The following TSGA10 variants were observed in gnomAD, a reference collection of about 807,000 sequenced individuals.
The protein encoded by TSGA10 is testis specific 10.
In TSGA10, 43 loss-of-function variants were observed where a neutral mutation model predicts 96.6. The ratio of observed to expected loss-of-function variants is 0.44; its 90% CI spans 0.35 to 0.57. The LOEUF is 0.57. Ranked by LOEUF, TSGA10 falls within the 20% of genes least tolerant of loss-of-function variation. TSGA10 has a pLI of 0.01. For synonymous variants in TSGA10, 229 were observed against 269.9 expected (o/e 0.85, Z 1.48); for missense variants, 703 against 834.4 (o/e 0.84, Z 1.94).
intron 10 of TSGA10, among the ~76,000 whole-genome samples, chr2:99,091,574 G>A (rs912244259): frequency 6.6e-6 from 1 of 152,006 alleles, no homozygotes; most frequent in Non-Finnish European, 1.5e-5. Flanking sequence ...TAACACATAA[G>A]AATCCACATA....
chr2:99,102,176 T>A (rs575744233), intron 10 of TSGA10: 384 of 1,553,350 alleles, frequency 2.5e-4, no homozygotes, highest in Non-Finnish European at 3.1e-4. Context: ...TTCGGAAATA[T>A]GAAGCTATTC....
intron 12 of TSGA10, among the ~76,000 whole-genome samples, chr2:99,074,583 T>G (rs2086457338): frequency 6.6e-6 from 1 of 152,132 alleles, no homozygotes; most frequent in Non-Finnish European, 1.5e-5. Context: ...CTCCATAAAA[T>G]GGAATGTTTA....
intron 17 of TSGA10, among the ~76,000 whole-genome samples, chr2:99,026,718 C>T (rs963061519): frequency 1.3e-5 from 2 of 152,064 alleles, no homozygotes; most frequent in Admixed American, 6.6e-5. Context: ...CCACCACGCC[C>T]GGCCCAAAGC....
At chr2:99,150,675 G>T in intron 1 of TSGA10, 1 of 1,614,032 alleles carries the variant, frequency 6.2e-7, no homozygotes, top group Non-Finnish European at 8.5e-7. Flanking sequence ...CAGCGACTCA[G>T]TTATTTCAAA....
rs2087459959 is a variant in TSGA10, at chr2:99,081,284, A to G, written c.725T>C (p.Ile242Thr). 1 of 1,537,608 alleles carries G rather than the reference A, an allele frequency of 6.5e-7. No individual in the cohort carries two copies. The highest frequency in any genetic ancestry group is 8.8e-7 in the Non-Finnish European group (1 of 1,140,234). ...AATATTAAGAGAAAAAAACTCACCA[A>G]TTTTTTCATCCAAGCACATAATTTT... is the stretch of plus-strand genomic sequence containing the variant. ...QEKIMCLDEK[I>T]DNFTRQNIAQ... is the part of the protein sequence containing the mutation. The change falls in exon 11 of 21, where the codon ATT becomes ACT. Residue 242 changes from isoleucine to threonine, a missense_variant and splice_region_variant. Ile to Thr is a moderately conservative substitution (Grantham distance 89, BLOSUM62 -1). Transcript: ENST00000393483.
At chr2:99,084,008 GT>G (rs2087904526) in intron 10 of TSGA10, among the ~76,000 whole-genome samples, 1 of 152,170 alleles carries the variant, frequency 6.6e-6, no homozygotes, top group Non-Finnish European at 1.5e-5. Flanking sequence ...TGTAATCATT[GT>G]GGGAAAGTGG....
intron 16 of TSGA10, among the ~76,000 whole-genome samples, chr2:99,043,102 G>A (rs547300325): frequency 6.6e-6 from 1 of 152,104 alleles, no homozygotes; most frequent in Non-Finnish European, 1.5e-5. Context: ...TATGTTCAAG[G>A]ACCTAATGAT....
chr2:99,101,333 A>T lies in TSGA10; in HGVS notation c.611+2634T>A, dbSNP rs546442257. ...ACATAAATAACGTCTGTTAATAAAA[A>T]GATACTTTTATTTTTGTAGAGACAA... On this transcript the variant is annotated intron_variant, in intron 10 of 20. Coordinates refer to ENST00000393483, the MANE Select transcript of TSGA10 (RefSeq NM_025244.4). 3.9e-5 allele frequency among the ~76,000 whole-genome samples: 6 copies of T among 151,984 alleles called. No individual in the cohort carries two copies. The South Asian group carries it at 1.2e-3, about 32-fold the overall frequency.
At position 99,071,729 on chromosome 2, in the gene TSGA10, C is replaced by A; in HGVS notation, c.1084G>T (p.Ala362Ser). 1.2e-6 allele frequency: 2 copies of A among 1,613,196 alleles called. No homozygotes were observed. The highest frequency in any genetic ancestry group is 8.5e-7 in the Non-Finnish European group (1 of 1,179,660). ...HDNDNLQEQF[A>S]KAKQENQALS... ...ACCTGGTTTTCTTGTTTAGCTTTAG[C>A]AAACTGTTCCTGGAGATTGTCATTG... The change falls in exon 14 of 21, where the codon GCT (alanine) becomes TCT (serine). Residue 362 changes from alanine to serine, a missense_variant. By Grantham distance (99) the Ala-to-Ser change is moderately conservative. This residue lies in a region of TSGA10 where 585 missense variants were observed against 656.8 expected (regional missense o/e 0.89). Coordinates refer to ENST00000393483, the MANE Select transcript of TSGA10 (RefSeq NM_025244.4).
intron 20 of TSGA10, among the ~76,000 whole-genome samples, chr2:99,005,647 A>T (rs1380649846): frequency 1.2e-4 from 18 of 152,338 alleles, no homozygotes; most frequent in South Asian, 2.1e-4. Context: ...AAAAGAGGAT[A>T]CAAACAAATG....
chr2:99,134,463 C>T (rs2093240562), intron 1 of TSGA10, among the ~76,000 whole-genome samples: 1 of 152,056 alleles, frequency 6.6e-6, no homozygotes, highest in Admixed American at 6.5e-5. Flanking sequence ...ACTGGTTATT[C>T]TAGTTAGCAA....
chr2:99,065,283 C>T (rs1248560776), intron 15 of TSGA10, among the ~76,000 whole-genome samples, 159 bp from the exon 16 acceptor site: 2 of 152,182 alleles, frequency 1.3e-5, no homozygotes, highest in African/African-American at 2.4e-5. Flanking sequence ...AACAGGTCAT[C>T]CTGTAATTAA....
intron 4 of TSGA10, among the ~76,000 whole-genome samples, chr2:99,112,281 AAAGAT>A (rs1032790561): frequency 2.6e-4 from 40 of 152,206 alleles, no homozygotes; most frequent in African/African-American, 9.4e-4. Flanking sequence ...AAGAAAAACA[AAAGAT>A]AATAGTCAAA....
At chr2:99,042,296 A>G (rs1037837539) in intron 16 of TSGA10, among the ~76,000 whole-genome samples, 3 of 152,186 alleles carry the variant, frequency 2.0e-5, no homozygotes, top group Non-Finnish European at 2.9e-5. Flanking sequence ...GTGGTACCAC[A>G]TTCTAGAACA....
At chr2:99,090,070 G>T (rs1271668981) in intron 10 of TSGA10, among the ~76,000 whole-genome samples, 1 of 152,198 alleles carries the variant, frequency 6.6e-6, no homozygotes, top group Non-Finnish European at 1.5e-5. Context: ...GAGACCAGAA[G>T]ATGGTTCATA....
rs1033985630 is a variant in TSGA10 at position 99,105,608 on chromosome 2, T to C, written c.300A>G (p.Arg100=). 1 of 1,610,716 alleles carries C rather than the reference T, an allele frequency of 6.2e-7. No homozygotes were observed. The highest frequency in any genetic ancestry group is 1.7e-5 in the Admixed American group (1 of 59,984). ...AGGCTACATCTCTTTCAGTCTCCAC[T>C]CGCCGGAGAATAGCATGTGCCGTTG... The part of the protein sequence containing the change: ...KSTTAHAILR[R]VETERDVAFT... Residue 100 remains arginine, a synonymous_variant, in exon 8 of 21, where the codon CGA becomes CGG. Transcript: ENST00000393483.
intron 1 of TSGA10, among the ~76,000 whole-genome samples, chr2:99,139,411 T>C (rs2093445008): frequency 6.6e-6 from 1 of 152,220 alleles, no homozygotes; most frequent in Admixed American, 6.5e-5. Context: ...TTCAACAAAT[T>C]ATTGATTTTT....
At chr2:99,056,200 G>A (rs918901476) in intron 16 of TSGA10, among the ~76,000 whole-genome samples, 4 of 118,944 alleles carry the variant, frequency 3.4e-5, no homozygotes, top group Admixed American at 8.5e-5. Context: ...GCAAGACTTC[G>A]TCTCAAAAAA....
At position 98,998,101 on chromosome 2, in the gene TSGA10, A is replaced by T; in HGVS notation, c.*96T>A. 4.0e-6 allele frequency: 4 copies of T among 1,007,642 alleles called. No homozygotes were observed. Among genetic ancestry groups the T allele is most frequent in the Non-Finnish European group, 6.0e-6 (4 of 661,506 alleles). The allele number at this position is 1,007,642 out of a possible 1,614,324, so 62.4% of individuals were successfully genotyped here. On this transcript the variant is annotated 3_prime_UTR_variant, in exon 21 of 21. Coordinates refer to ENST00000393483, the MANE Select transcript of TSGA10 (RefSeq NM_025244.4). ...GTTAATAAATACATTTAACATTGCC[A>T]AGCATTTAAAAGATAAATGCACTCA...
Sources: allele counts gnomAD v4.1 joint callset (sites outside exome capture counted in the v4.1 genomes callset), GRCh38; gene constraint gnomAD v4.1.1; regional missense constraint gnomAD v4.1.1; transcripts MANE v1.5; gene names NCBI Gene and HGNC (gene_info 2026-07-23, HGNC 2026-07-21).